QRFPR: variants seen among roughly 807,000 people sequenced by gnomAD.
QRFPR encodes the protein pyroglutamylated RFamide peptide receptor.
In QRFPR, 37 loss-of-function variants were observed where a neutral mutation model predicts 31.3. That is an observed-to-expected ratio of 1.18 (90% CI 0.91 to 1.56). The LOEUF (loss-of-function observed/expected upper bound fraction) is 1.56, where lower values mean the gene tolerates loss of function less well. QRFPR is among the 40% of genes most tolerant of loss of function. The pLI, the probability that QRFPR is intolerant of heterozygous loss-of-function variation, is 0.00. For synonymous variants in QRFPR, 197 were observed against 192.0 expected (o/e 1.03, Z -0.22); for missense variants, 542 against 532.5 (o/e 1.02, Z -0.18).
At chr4:121,365,596 A>AATATAT (rs1560744019) in intron 1 of QRFPR, among the ~76,000 whole-genome samples, 60 of 3,938 alleles carry the variant, frequency 0.015, 4 homozygotes, top group African/African-American at 0.036. Flanking sequence ...TATATTATAT[A>AATATAT]TATATAATAT....
chr4:121,336,813 T>C lies in QRFPR; in HGVS notation c.555A>G (p.Gln185=), dbSNP rs1464079554. 3 of 1,612,542 alleles carry C rather than the reference T, an allele frequency of 1.9e-6. No homozygotes were observed. The highest frequency in any genetic ancestry group is 2.5e-6 in the Non-Finnish European group (3 of 1,178,626). The change falls in exon 3 of 6, where the codon CAA becomes CAG. Residue 185 remains glutamine (Q), a synonymous_variant. Transcript: ENST00000394427. ...CATCTCAACTGGAGTCTACCTCAAGTTGTTGCACGTGCCACATGGGTGATC... is the reference window on the plus strand; with the variant it reads ...CATCTCAACTGGAGTCTACCTCAAGCTGTTGCACGTGCCACATGGGTGATC... ...IVGSPMWHVQ[Q]LEIKYDFLYE... is the part of the protein sequence containing the mutation.
At chr4:121,352,096 G>A (rs183803216) in intron 1 of QRFPR, among the ~76,000 whole-genome samples, 9 of 152,112 alleles carry the variant, frequency 5.9e-5, no homozygotes, top group South Asian at 4.1e-4. Context: ...TCTCTCTGGC[G>A]GTTGGAATAA....
chr4:121,333,891 C>A (rs115821446), intron 3 of QRFPR, among the ~76,000 whole-genome samples: 2 of 152,164 alleles, frequency 1.3e-5, no homozygotes, highest in Non-Finnish European at 2.9e-5. Flanking sequence ...GGGTCTCAGA[C>A]ATATTTCTGC....
At chr4:121,352,180 C>G (rs1013575975) in intron 1 of QRFPR, among the ~76,000 whole-genome samples, 9 of 151,990 alleles carry the variant, frequency 5.9e-5, no homozygotes, top group African/African-American at 2.2e-4. Flanking sequence ...GTTAAAAATT[C>G]AATTCAACTG....
chr4:121,378,407 C>CTTTTTT (rs34846492), intron 1 of QRFPR, among the ~76,000 whole-genome samples: 1 of 100,926 alleles, frequency 9.9e-6, no homozygotes, highest in Non-Finnish European at 2.0e-5. Flanking sequence ...GCTCACTGCA[C>CTTTTTT]TTTTTTTTTT....
chr4:121,372,684 C>T (rs1171540736), intron 1 of QRFPR, among the ~76,000 whole-genome samples: 5 of 152,150 alleles, frequency 3.3e-5, no homozygotes, highest in Admixed American at 6.5e-5. Context: ...AACATTTGTC[C>T]TCTTGTGTCT....
At position 121,380,346 on chromosome 4, in the gene QRFPR, AC is replaced by A. The variant is rs1240598247; in HGVS notation, c.301del (p.Val101SerfsTer30). The A allele has an allele frequency of 6.2e-7, 1 of 1,613,930 alleles. No individual in the cohort carries two copies. Among genetic ancestry groups the A allele is most frequent in the Non-Finnish European group, 8.5e-7 (1 of 1,179,994 alleles). On this transcript the variant is annotated frameshift_variant, in exon 1 of 6. Coordinates refer to ENST00000394427, the MANE Select transcript of QRFPR (RefSeq NM_198179.3). LOFTEE classifies it high-confidence loss of function. ...DLLITFFCIP[V>X]TMLQNISDNW... ...GTCGGAAATGTTCTGGAGCATGGTGACGGGAATGCAGAAGAAGGTGATGAGC... is the reference window on the plus strand; with the variant it reads ...GTCGGAAATGTTCTGGAGCATGGTGAGGGAATGCAGAAGAAGGTGATGAGC...
intron 2 of QRFPR, among the ~76,000 whole-genome samples, chr4:121,338,622 C>T (rs923657527): frequency 5.9e-5 from 9 of 152,166 alleles, no homozygotes; most frequent in Admixed American, 1.3e-4. Context: ...TTTGACATCC[C>T]CTGTCTAGGT....
chr4:121,335,181 AG>A (rs2110467752), intron 3 of QRFPR, among the ~76,000 whole-genome samples: 1 of 152,300 alleles, frequency 6.6e-6, no homozygotes, highest in East Asian at 1.9e-4. Context: ...AAAAATATTT[AG>A]GGTATTTTTT....
At chr4:121,358,388 G>A (rs553233513) in intron 1 of QRFPR, among the ~76,000 whole-genome samples, 1 of 152,164 alleles carries the variant, frequency 6.6e-6, no homozygotes, top group Admixed American at 6.6e-5. Context: ...AATGAATGTG[G>A]AGTTCAGAAG....
Position 121,347,554 on chromosome 4 carries a change from T to G in QRFPR, c.341-6944A>C, listed in dbSNP as rs185891530. 6.5e-4 allele frequency among the ~76,000 whole-genome samples: 99 copies of G among 152,256 alleles called. 1 individual carries two copies. In the East Asian group the frequency reaches 0.018, roughly 27 times the overall value. ...GGGATGTATTTCTTAAACTCTAGCA[T>G]GTAGTTTCTTCTACTTTGACGCTTA... On this transcript the variant is annotated intron_variant, in intron 1 of 5. Transcript: ENST00000394427.
chr4:121,334,038 A>G (rs1725387189), intron 3 of QRFPR, among the ~76,000 whole-genome samples: 1 of 152,212 alleles, frequency 6.6e-6, no homozygotes, highest in Non-Finnish European at 1.5e-5. Context: ...TAGGAATAAC[A>G]CTCACTGAAA....
intron 1 of QRFPR, among the ~76,000 whole-genome samples, chr4:121,377,793 C>T (rs1360489576): frequency 6.6e-6 from 1 of 152,160 alleles, no homozygotes; most frequent in Non-Finnish European, 1.5e-5. Flanking sequence ...CACTTTTGTA[C>T]TCTCAAGGTA....
intron 1 of QRFPR, among the ~76,000 whole-genome samples, chr4:121,365,473 T>A: frequency 1.4e-5 from 1 of 73,618 alleles, no homozygotes; most frequent in African/African-American, 5.6e-5. Context: ...AATAAATAAA[T>A]TAATTAATTA....
At chr4:121,372,453 C>G (rs1726266548) in intron 1 of QRFPR, among the ~76,000 whole-genome samples, 1 of 152,084 alleles carries the variant, frequency 6.6e-6, no homozygotes, top group African/African-American at 2.4e-5. Flanking sequence ...TGATTTTAGC[C>G]ATTTTTAAGT....
At chr4:121,354,024 A>G (rs1036274609) in intron 1 of QRFPR, among the ~76,000 whole-genome samples, 53 of 151,960 alleles carry the variant, frequency 3.5e-4, no homozygotes, top group African/African-American at 1.3e-3. Context: ...CTGCAAATGC[A>G]TGAATTTATT....
chr4:121,348,660 T>C (rs572535329), intron 1 of QRFPR, among the ~76,000 whole-genome samples: 1 of 152,344 alleles, frequency 6.6e-6, no homozygotes, highest in East Asian at 1.9e-4. Context: ...TACATTCTTA[T>C]ATATCTTAAA....
chr4:121,338,927 C>T (rs977210292), intron 2 of QRFPR, among the ~76,000 whole-genome samples: 39 of 152,188 alleles, frequency 2.6e-4, no homozygotes, highest in African/African-American at 8.7e-4. Context: ...TACTTGCTTT[C>T]CATCCCCACA....
intron 1 of QRFPR, among the ~76,000 whole-genome samples, chr4:121,344,019 C>T (rs560361595): frequency 7.2e-5 from 11 of 152,294 alleles, no homozygotes; most frequent in African/African-American, 1.9e-4. Context: ...CATAAAGTGA[C>T]ATAAACAGCT....
Sources: gnomAD v4.1 joint callset for allele counts (sites outside exome capture counted in the v4.1 genomes callset) on GRCh38, gnomAD v4.1.1 for gene constraint, MANE v1.5 for transcripts, NCBI Gene and HGNC (gene_info 2026-07-23, HGNC 2026-07-21) for gene names.